ATP11B: variants seen among roughly 807,000 people sequenced by gnomAD.
The protein encoded by ATP11B is ATPase phospholipid transporting 11B (putative).
ATP11B carries 81 observed loss-of-function variants against 157.8 expected under a neutral mutation model. The ratio of observed to expected loss-of-function variants is 0.51; its 90% CI spans 0.43 to 0.62. The LOEUF (loss-of-function observed/expected upper bound fraction) is 0.62. ATP11B is among the 20% of genes least tolerant of loss of function. ATP11B has a pLI of 0.00. For synonymous variants in ATP11B, 451 were observed against 469.4 expected (o/e 0.96, Z 0.51); for missense variants, 1,165 against 1,402.2 (o/e 0.83, Z 2.70).
chr3:182,804,133 A>G (rs929572022), intron 1 of ATP11B, among the ~76,000 whole-genome samples: 2 of 152,006 alleles, frequency 1.3e-5, no homozygotes, highest in African/African-American at 2.4e-5. Context: ...TTTGATGATT[A>G]TAAGCTATGG....
intron 28 of ATP11B, among the ~76,000 whole-genome samples, chr3:182,912,001 G>A (rs1277896151): frequency 6.6e-6 from 1 of 152,166 alleles, no homozygotes; most frequent in Non-Finnish European, 1.5e-5. Context: ...CTGCACCAGA[G>A]CATTGGGAAG....
At position 182,839,410 on chromosome 3, in the gene ATP11B, A is replaced by G. The variant is rs1463171421; in HGVS notation, c.656+2236A>G. Among the ~76,000 whole-genome samples the G allele has an allele frequency of 2.0e-5, 3 of 152,264 alleles. No individual in the cohort carries two copies. In the East Asian group the frequency reaches 5.8e-4, roughly 29 times the overall value. ...GTTTACCTATATAACAAACCTGCAC[A>G]TGTACCCCTGAACCTAAATGTTTAA... On this transcript the variant is annotated intron_variant, in intron 7 of 29. Transcript: ENST00000323116.
intron 28 of ATP11B, among the ~76,000 whole-genome samples, chr3:182,906,443 TTTCATAAATTTTTTCTTTGAGA>T (rs1324175843): frequency 1.3e-5 from 2 of 152,188 alleles, no homozygotes; most frequent in African/African-American, 4.8e-5. Flanking sequence ...TTTCCATTCT[TTTCATAAATTTTTTCTTTGAGA>T]CAGGGCCTCA....
In ATP11B at chr3:182,837,187, A is replaced by G; in HGVS notation, c.656+13A>G. On this transcript the variant is annotated intron_variant, in intron 7 of 29. Transcript: ENST00000323116. Reference sequence around the variant, plus strand: ...CAGACTTATACAGGTATGGTGTGATATTCAGTATACTTATTTTAAGTCCTA... The same window carrying G: ...CAGACTTATACAGGTATGGTGTGATGTTCAGTATACTTATTTTAAGTCCTA... The G allele has an allele frequency of 6.5e-7, 1 of 1,532,326 alleles. No individual in the cohort carries two copies. Among genetic ancestry groups the G allele is most frequent in the Non-Finnish European group, 9.0e-7 (1 of 1,110,916 alleles). The allele number at this position is 1,532,326 out of a possible 1,614,324, so 94.9% of individuals were successfully genotyped here. A position where few individuals can be genotyped will look rare whatever the true frequency, so the allele number is the denominator to read the frequency against.
Position 182,921,185 on chromosome 3 carries a change from G to A in ATP11B, c.*3081G>A, listed in dbSNP as rs1725460926. ...TCCATGTTGGTGTTTTTCCTGTAAA[G>A]ATCAGTTTGGGGTATGATATAAGCA... On this transcript the variant is annotated 3_prime_UTR_variant, in exon 30 of 30. Transcript: ENST00000323116. 6.6e-6 allele frequency: 1 copy of A among 152,132 alleles called. No homozygotes were observed. The highest frequency in any genetic ancestry group is 1.5e-5 in the Non-Finnish European group (1 of 68,020). 9.4% of individuals were successfully genotyped at this position (152,132 alleles called of 1,614,324 possible).
chr3:182,866,638 T>C (rs1184975840), intron 14 of ATP11B, among the ~76,000 whole-genome samples, 195 bp downstream of exon 14: 4 of 148,130 alleles, frequency 2.7e-5, no homozygotes, highest in African/African-American at 7.8e-5. Flanking sequence ...CAAGCTTGCA[T>C]TGAGTCTTTT....
At chr3:182,856,869 AC>A (rs1720445301) in intron 10 of ATP11B, among the ~76,000 whole-genome samples, 1 of 152,210 alleles carries the variant, frequency 6.6e-6, no homozygotes. Flanking sequence ...CTTGTGATTC[AC>A]ATTTTCCCTC....
chr3:182,880,978 A>C lies in ATP11B; in HGVS notation c.2506A>C (p.Ile836Leu). The C allele has an allele frequency of 6.3e-7, 1 of 1,584,420 alleles. No homozygotes were observed. The change falls in exon 21 of 30, where the codon ATA becomes CTA. Residue 836 changes from isoleucine to leucine, a missense_variant. Physicochemically the swap from Ile to Leu is conservative, Grantham distance 5. This residue lies in a region of ATP11B where 737 missense variants were observed against 930.5 expected (regional missense o/e 0.79). Transcript: ENST00000323116. ...VSMIQEAHVG[I>L]GIMGKEGRQA... ...CATGATACAAGAAGCCCATGTTGGC[A>C]TAGGTGATTGATTCTTCCTGAAAAG...
At chr3:182,862,014 G>A (rs1359396577) in intron 12 of ATP11B, among the ~76,000 whole-genome samples, 2 of 151,754 alleles carry the variant, frequency 1.3e-5, no homozygotes, top group Non-Finnish European at 2.9e-5. Flanking sequence ...GGGAGGCCAA[G>A]GTGGGTAGAT....
intron 27 of ATP11B, 34 bp from the exon 28 acceptor site, chr3:182,898,573 C>T (rs752030781): frequency 1.3e-6 from 2 of 1,549,034 alleles, no homozygotes; most frequent in South Asian, 2.5e-5. Flanking sequence ...CTTTCAGTTT[C>T]CACTTTTATT....
chr3:182,882,923 A>G (rs1722528116), intron 21 of ATP11B, among the ~76,000 whole-genome samples: 2 of 152,322 alleles, frequency 1.3e-5, no homozygotes, highest in Middle Eastern at 3.4e-3. Context: ...TACTAAATGT[A>G]TGAAAAAAAT....
At chr3:182,852,201 T>A (rs1720031922) in intron 10 of ATP11B, among the ~76,000 whole-genome samples, 1 of 152,198 alleles carries the variant, frequency 6.6e-6, no homozygotes, top group Non-Finnish European at 1.5e-5. Flanking sequence ...CAAAGGAAAT[T>A]TAAATTTCTT....
intron 1 of ATP11B, among the ~76,000 whole-genome samples, chr3:182,819,665 A>G (rs776588420): frequency 3.9e-5 from 6 of 152,210 alleles, no homozygotes; most frequent in Non-Finnish European, 7.3e-5. Flanking sequence ...ATTGTGTGGA[A>G]TGAGTCTGGG....
At chr3:182,817,380 A>G (rs1436874070) in intron 1 of ATP11B, among the ~76,000 whole-genome samples, 1 of 152,020 alleles carries the variant, frequency 6.6e-6, no homozygotes, top group Non-Finnish European at 1.5e-5. Context: ...TCCCGGGTTC[A>G]AGCAGTTCCC....
chr3:182,891,277 A>T (rs1163418062), intron 25 of ATP11B, among the ~76,000 whole-genome samples: 3 of 152,208 alleles, frequency 2.0e-5, no homozygotes. Flanking sequence ...GATGTTAAAG[A>T]TCTTGTATTG....
At chr3:182,907,211 G>A (rs1724431998) in intron 28 of ATP11B, among the ~76,000 whole-genome samples, 1 of 152,178 alleles carries the variant, frequency 6.6e-6, no homozygotes, top group Non-Finnish European at 1.5e-5. Context: ...ATTTGGATTG[G>A]TAGTAATGAT....
chr3:182,917,874 G>A, intron 29 of ATP11B, 149 bp from the exon 30 acceptor site: 1 of 1,305,338 alleles, frequency 7.7e-7, no homozygotes, highest in Non-Finnish European at 9.8e-7. Context: ...GAAAGTTTGG[G>A]CATTCGATAC....
rs576501843 is a variant in ATP11B at position 182,919,569 on chromosome 3, A to G, written c.*1465A>G. ...AAATAATGATTGTATACATATTAAG[A>G]TAATGGTTAAATGCGGTTTTACCAA... On this transcript the variant is annotated 3_prime_UTR_variant, in exon 30 of 30. Transcript: ENST00000323116. 3.3e-5 allele frequency: 5 copies of G among 152,472 alleles called. No homozygotes were observed. In the East Asian group the frequency reaches 9.6e-4, roughly 29 times the overall value. 9.4% of individuals were successfully genotyped at this position (152,472 alleles called of 1,614,324 possible). A position where few individuals can be genotyped will look rare whatever the true frequency, so the allele number is the denominator to read the frequency against.
At chr3:182,863,358 T>C (rs1560096104) in intron 12 of ATP11B, among the ~76,000 whole-genome samples, 1 of 152,178 alleles carries the variant, frequency 6.6e-6, no homozygotes, top group Non-Finnish European at 1.5e-5. Flanking sequence ...CTTTGACCTT[T>C]CTTTCTCAAC....
Sources: allele counts gnomAD v4.1 joint callset (sites outside exome capture counted in the v4.1 genomes callset), GRCh38; gene constraint gnomAD v4.1.1; regional missense constraint gnomAD v4.1.1; transcripts MANE v1.5; gene names NCBI Gene and HGNC (gene_info 2026-07-23, HGNC 2026-07-21).